HNRNPU: variants seen among roughly 807,000 people sequenced by gnomAD.
The protein encoded by HNRNPU is heterogeneous nuclear ribonucleoprotein U, also known as HNRNPU antisense RNA 1.
In HNRNPU, 5 loss-of-function variants were observed where a neutral mutation model predicts 94.7. That is an observed-to-expected ratio of 0.05 (90% CI 0.03 to 0.11). The LOEUF is 0.11. Ranked by LOEUF, HNRNPU falls within the 10% of genes least tolerant of loss-of-function variation. The probability of loss-of-function intolerance (pLI) is 1.00; values close to 1 mark genes in which losing one functional copy is unlikely to be tolerated. For synonymous variants in HNRNPU, 434 were observed against 381.6 expected, an observed-to-expected ratio of 1.14 and a Z score of -1.60; for missense variants, 710 against 1,049.2, an observed-to-expected ratio of 0.68 and a Z score of 4.47.
intron 10 of HNRNPU, 89 bp from the exon 11 acceptor site, chr1:244,856,247 A>C: frequency 7.4e-7 from 1 of 1,359,382 alleles, no homozygotes. Flanking sequence ...GTTTAGTAAC[A>C]TATTTTCCTA....
intron 1 of HNRNPU, chr1:244,863,059 CCCGCGGGCCCGCGCTCCCCGCGG>C (rs1680885457): frequency 6.6e-6 from 2 of 301,514 alleles, no homozygotes; most frequent in Non-Finnish European, 1.2e-5. Flanking sequence ...GCTCCCCTCC[CCCGCGGGCCCGCGCTCCCCGCGG>C]CCGCATTGTA....
chr1:244,858,322 T>C (rs1680733609), intron 6 of HNRNPU, 48 bp from the exon 7 acceptor site: 2 of 1,542,952 alleles, frequency 1.3e-6, no homozygotes, highest in Non-Finnish European at 1.8e-6. Flanking sequence ...TTCCTTAAAC[T>C]TTCTAAAAAA....
intron 9 of HNRNPU, 51 bp from the exon 10 acceptor site, chr1:244,856,676 A>C: frequency 6.2e-7 from 1 of 1,606,546 alleles, no homozygotes; most frequent in Non-Finnish European, 8.5e-7. Context: ...ATTCTACACC[A>C]ATCTATCTAA....
intron 8 of HNRNPU, chr1:244,857,347 G>A: frequency 2.8e-6 from 1 of 352,022 alleles, no homozygotes; most frequent in Admixed American, 4.6e-5. Context: ...CCAGGTTCAA[G>A]TAATTGTCCC....
Position 244,858,812 on chromosome 1 carries a change from G to C in HNRNPU, c.1147C>G (p.Leu383Val). 6.4e-7 allele frequency: 1 copy of C among 1,561,384 alleles called. No homozygotes were observed. Among genetic ancestry groups the C allele is most frequent in the Non-Finnish European group, 8.8e-7 (1 of 1,134,178 alleles). Reference protein sequence around the residue: ...GEEEFSYGYSLKGIKTCNCET... With the variant: ...GEEEFSYGYSVKGIKTCNCET... ...CAGTTGCATGTTTTTATTCCTTTTA[G>C]AGAATACCCATAAGAAAATTCTTCT... The change falls in exon 6 of 14, where the codon CTA becomes GTA. Residue 383 changes from leucine to valine, a missense_variant. Physicochemically the swap from Leu to Val is conservative, Grantham distance 32 (BLOSUM62 1). This residue lies in a region of HNRNPU where 150 missense variants were observed against 187.9 expected (regional missense o/e 0.80). Transcript: ENST00000640218.
In HNRNPU at chr1:244,852,212, A is replaced by C. The variant is rs911063638; in HGVS notation, c.*2238T>G. 1.3e-5 allele frequency: 2 copies of C among 152,132 alleles called. No individual in the cohort carries two copies. The highest frequency in any genetic ancestry group is 2.9e-5 in the Non-Finnish European group (2 of 68,010). The allele number at this position is 152,132 out of a possible 1,614,324, so 9.4% of individuals were successfully genotyped here. On this transcript the variant is annotated 3_prime_UTR_variant, in exon 14 of 14. Transcript: ENST00000640218. The stretch of plus-strand genomic sequence containing the variant: ...TCTCTGAATTCCTTAAACACTTTAT[A>C]AGGTTATTTCTGCCATACAAGTGTA...
At chr1:244,863,364 C>A (rs1680899561) in intron 1 of HNRNPU, among the ~76,000 whole-genome samples, 1 of 150,410 alleles carries the variant, frequency 6.6e-6, no homozygotes, top group Non-Finnish European at 1.5e-5. Context: ...CCCCGGCTCT[C>A]GAGCCACATA....
rs1189579106 is a variant in HNRNPU, at chr1:244,853,234, CAATT to C, written c.*1212_*1215del. ...TCAACTTTACTTCATAATTATGTAT[CAATT>C]GTCAGTATACATTTAAGTTTTTAAA... On this transcript the variant is annotated 3_prime_UTR_variant, in exon 14 of 14. Coordinates refer to ENST00000640218, the MANE Select transcript of HNRNPU (RefSeq NM_031844.3). 2 of 152,410 alleles carry C rather than the reference CAATT, an allele frequency of 1.3e-5. No homozygotes were observed. Among genetic ancestry groups the C allele is most frequent in the African/African-American group, 4.8e-5 (2 of 41,396 alleles). The allele number at this position is 152,410 out of a possible 1,614,324, so 9.4% of individuals were successfully genotyped here.
chr1:244,864,508 A>G lies in HNRNPU; in HGVS notation c.-201T>C, dbSNP rs1680949604. The stretch of plus-strand genomic sequence containing the variant: ...CACCGAGTTCGCGAGGGAGACGCGG[A>G]GACTCGCCTGGCGCGAGCGAGCACG... On this transcript the variant is annotated 5_prime_UTR_variant, in exon 1 of 14. Coordinates refer to ENST00000640218, the MANE Select transcript of HNRNPU (RefSeq NM_031844.3). 5 of 872,476 alleles carry G rather than the reference A, an allele frequency of 5.7e-6. No homozygotes were observed. Among genetic ancestry groups the G allele is most frequent in the Non-Finnish European group, 8.3e-6 (5 of 601,898 alleles). The allele number at this position is 872,476 out of a possible 1,614,324, so 54.0% of individuals were successfully genotyped here. A position where few individuals can be genotyped will look rare whatever the true frequency, so the allele number is the denominator to read the frequency against.
chr1:244,862,153 A>G (rs1202223175), intron 3 of HNRNPU: 1 of 288,400 alleles, frequency 3.5e-6, no homozygotes, highest in African/African-American at 2.2e-5. Context: ...GTAAGGCTAA[A>G]TTATAGGTAG....
Position 244,851,523 on chromosome 1 carries a change from TTA to T in HNRNPU, c.*2925_*2926del, listed in dbSNP as rs1204020839. ...AAAGTCCCTTAAAACACTATTATGG[TTA>T]TGTTTCCTAGAATAATTTTATAACT... is the stretch of plus-strand genomic sequence containing the variant. On this transcript the variant is annotated 3_prime_UTR_variant, in exon 14 of 14. Transcript: ENST00000640218. 2.0e-5 allele frequency: 3 copies of T among 152,218 alleles called. No homozygotes were observed. Among genetic ancestry groups the T allele is most frequent in the East Asian group, 3.8e-4 (2 of 5,204 alleles). The allele number at this position is 152,218 out of a possible 1,614,324, so 9.4% of individuals were successfully genotyped here. A position where few individuals can be genotyped will look rare whatever the true frequency, so the allele number is the denominator to read the frequency against.
chr1:244,862,920 T>C (rs1360252550), intron 1 of HNRNPU, 190 bp from the exon 2 acceptor site: 1 of 606,444 alleles, frequency 1.6e-6, no homozygotes, highest in Non-Finnish European at 2.9e-6. Flanking sequence ...TCTAAAGACA[T>C]TACTAATTTT....
chr1:244,857,261 T>C lies in HNRNPU; in HGVS notation c.1614+337A>G, dbSNP rs576831324. The C allele has an allele frequency of 3.0e-3, 654 of 221,596 alleles. 2 individuals carry two copies. Among genetic ancestry groups the C allele is most frequent in the Non-Finnish European group, 4.0e-3 (461 of 114,898 alleles). 13.7% of individuals were successfully genotyped at this position (221,596 alleles called of 1,614,324 possible). ...ATTTTTCTTTTCTTTTTTTTTTTTT[T>C]CTGAGACGGAGTGTTGCTCTGTCGC... On this transcript the variant is annotated intron_variant, in intron 8 of 13. Transcript: ENST00000640218.
intron 8 of HNRNPU, 163 bp downstream of exon 8, chr1:244,857,435 C>T (rs1007745656): frequency 7.7e-5 from 52 of 674,760 alleles, no homozygotes; most frequent in African/African-American, 6.6e-4. Context: ...TTAGTAGGAA[C>T]GGGGCTTCGC....
rs199740131 is a variant in HNRNPU at position 244,858,045 on chromosome 1, C to G, written c.1460G>C (p.Gly487Ala). ...QNVPLEDRVRGPKGPEEKKDC... is the reference protein window; with the variant it reads ...QNVPLEDRVRAPKGPEEKKDC... Reference sequence around the variant, plus strand: ...TTTCTTCTCTTCAGGCCCCTTTGGTCCTCTAACTCGATCCTCTAAGGGGAC... The same window carrying G: ...TTTCTTCTCTTCAGGCCCCTTTGGTGCTCTAACTCGATCCTCTAAGGGGAC... The change falls in exon 7 of 14, where the codon GGA (glycine) becomes GCA (alanine). Residue 487 changes from glycine to alanine, a missense_variant. Coordinates refer to ENST00000640218, the MANE Select transcript of HNRNPU (RefSeq NM_031844.3). 4.5e-5 allele frequency: 73 copies of G among 1,613,398 alleles called. 2 individuals carry two copies. In the East Asian group the frequency reaches 5.8e-4, roughly 13 times the overall value.
rs12069105 is a variant in HNRNPU, at chr1:244,860,009, G to A, written c.1017+326C>T. 0.19 allele frequency: 41,295 copies of A among 216,270 alleles called. 5,242 individuals are homozygous for A. The highest frequency in any genetic ancestry group is 0.38 in the African/African-American group (16,337 of 43,230). The allele number at this position is 216,270 out of a possible 1,614,324, so 13.4% of individuals were successfully genotyped here. On this transcript the variant is annotated intron_variant, in intron 4 of 13. Coordinates refer to ENST00000640218, the MANE Select transcript of HNRNPU (RefSeq NM_031844.3). ...GAGACCTTGTCACTATTTTAAAAAG[G>A]AAAAAAAAAGGCTGGGCACAGTGGC...
Position 244,864,542 on chromosome 1 carries a change from T to C in HNRNPU, c.-235A>G, listed in dbSNP as rs756182673. ...TGGCGCGAGCGAGCACGCAACGTCCTCTCGCAGGAGCGGCGCCGCGCACGT... is the reference window on the plus strand; with the variant it reads ...TGGCGCGAGCGAGCACGCAACGTCCCCTCGCAGGAGCGGCGCCGCGCACGT... On this transcript the variant is annotated 5_prime_UTR_variant, in exon 1 of 14. Transcript: ENST00000640218. The C allele has an allele frequency of 1.2e-5, 7 of 580,116 alleles. No homozygotes were observed. Among genetic ancestry groups the C allele is most frequent in the Admixed American group, 3.9e-5 (1 of 25,648 alleles). 35.9% of individuals were successfully genotyped at this position (580,116 alleles called of 1,614,324 possible).
Position 244,863,641 on chromosome 1 carries a change from C to A in HNRNPU, c.667G>T (p.Gly223Cys). The change falls in exon 1 of 14, where the codon GGT becomes TGT. Residue 223 changes from glycine to cysteine, a missense_variant. Transcript: ENST00000640218. Reference sequence around the variant, plus strand: ...CCCGCCGCCGGAGCCCCGGGGCGACCGCCGCCTCCGCCGCCTTCCGCCTTC... The same window carrying A: ...CCCGCCGCCGGAGCCCCGGGGCGACAGCCGCCTCCGCCGCCTTCCGCCTTC... ...KKKAEGGGGG[G>C]RPGAPAAGDG... 6.5e-7 allele frequency: 1 copy of A among 1,545,460 alleles called. No individual in the cohort carries two copies. The highest frequency in any genetic ancestry group is 8.6e-7 in the Non-Finnish European group (1 of 1,159,086).
Position 244,852,114 on chromosome 1 carries a change from A to G in HNRNPU, c.*2336T>C, listed in dbSNP as rs557504324. 6.6e-6 allele frequency: 1 copy of G among 152,358 alleles called. No individual in the cohort carries two copies. Among genetic ancestry groups the G allele is most frequent in the African/African-American group, 2.4e-5 (1 of 41,576 alleles). The allele number at this position is 152,358 out of a possible 1,614,324, so 9.4% of individuals were successfully genotyped here. A position where few individuals can be genotyped will look rare whatever the true frequency, so the allele number is the denominator to read the frequency against. Reference sequence around the variant, plus strand: ...TAGGGAGGCAAGGGAAGGATGAGCAATAAATCAGGTTTCTCGTTCGTATCT... The same window carrying G: ...TAGGGAGGCAAGGGAAGGATGAGCAGTAAATCAGGTTTCTCGTTCGTATCT... On this transcript the variant is annotated 3_prime_UTR_variant, in exon 14 of 14. Transcript: ENST00000640218.
Sources: allele counts gnomAD v4.1 joint callset (sites outside exome capture counted in the v4.1 genomes callset), GRCh38; gene constraint gnomAD v4.1.1; regional missense constraint gnomAD v4.1.1; transcripts MANE v1.5; gene names NCBI Gene and HGNC (gene_info 2026-07-23, HGNC 2026-07-21).